The following NPSR1 variants were observed in gnomAD, a reference collection of about 807,000 sequenced individuals.
The protein encoded by NPSR1 is neuropeptide S receptor.
A neutral mutation model predicts 46.9 loss-of-function variants in NPSR1; 48 were observed. The observed-to-expected ratio is 1.02, with a 90% confidence interval of 0.81 to 1.30. The LOEUF (loss-of-function observed/expected upper bound fraction) is 1.30, where lower values mean the gene tolerates loss of function less well. Ranked by LOEUF, NPSR1 falls within the 50% of genes most tolerant of loss-of-function variation. NPSR1 has a pLI of 0.00. For synonymous variants in NPSR1, 176 were observed against 168.1 expected (o/e 1.05, Z -0.36); for missense variants, 450 against 449.5 (o/e 1.00, Z -0.01).
At chr7:34,696,095 A>AAC (rs1562658208) in intron 2 of NPSR1, among the ~76,000 whole-genome samples, 1 of 151,806 alleles carries the variant, frequency 6.6e-6, no homozygotes, top group African/African-American at 2.4e-5. Flanking sequence ...AAAAAAAAAA[A>AAC]AAACTGCGGT....
intron 2 of NPSR1, among the ~76,000 whole-genome samples, chr7:34,700,627 C>G (rs962999674): frequency 6.6e-6 from 1 of 152,204 alleles, no homozygotes. Flanking sequence ...CTAAATCACT[C>G]TTTGAAACAT....
chr7:34,684,743 G>T, intron 2 of NPSR1, 59 bp downstream of exon 2: 8 of 1,354,230 alleles, frequency 5.9e-6, no homozygotes, highest in South Asian at 1.8e-5. Context: ...ATGGCTTCCT[G>T]CTTTTAATGA....
chr7:34,860,996 G>A (rs912884390), intron 8 of NPSR1, among the ~76,000 whole-genome samples: 11 of 152,014 alleles, frequency 7.2e-5, no homozygotes, highest in African/African-American at 2.7e-4. Context: ...GATGAGGCAG[G>A]CAAGCTAAGG....
At chr7:34,753,971 G>T (rs1348534421) in intron 2 of NPSR1, among the ~76,000 whole-genome samples, 1 of 152,158 alleles carries the variant, frequency 6.6e-6, no homozygotes, top group Non-Finnish European at 1.5e-5. Flanking sequence ...AAATAGACAT[G>T]AGAGACTTAA....
chr7:34,876,105 G>C (rs1791568009), intron 8 of NPSR1, among the ~76,000 whole-genome samples: 1 of 152,218 alleles, frequency 6.6e-6, no homozygotes. Context: ...AGGTGGGACA[G>C]GAGGTGACAG....
intron 3 of NPSR1, among the ~76,000 whole-genome samples, chr7:34,805,855 A>T (rs1321673427): frequency 2.0e-5 from 3 of 152,042 alleles, no homozygotes; most frequent in African/African-American, 7.2e-5. Flanking sequence ...AAAACAACTC[A>T]TTTCAAAAAC....
At chr7:34,718,338 C>T (rs1464153810) in intron 2 of NPSR1, among the ~76,000 whole-genome samples, 2 of 152,082 alleles carry the variant, frequency 1.3e-5, no homozygotes, top group Non-Finnish European at 2.9e-5. Context: ...ATGATGCCAC[C>T]TCTAGAAAAC....
At chr7:34,714,345 C>T (rs899226988) in intron 2 of NPSR1, among the ~76,000 whole-genome samples, 3 of 152,168 alleles carry the variant, frequency 2.0e-5, no homozygotes, top group East Asian at 1.9e-4. Context: ...CACAAGGGTG[C>T]GAATAATATG....
In NPSR1 at chr7:34,848,550, C is replaced by CA. The variant is rs1427130850; in HGVS notation, c.913dup (p.Thr305AsnfsTer19). 1 of 1,614,184 alleles carries CA rather than the reference C, an allele frequency of 6.2e-7. No homozygotes were observed. On this transcript the variant is annotated frameshift_variant, in exon 8 of 9. Transcript: ENST00000360581. LOFTEE classifies it high-confidence loss of function. ...TGGACAATTTCAACCTCCTTCCAGA[C>CA]ACCCAGGAGCGTTTCTATGCCTCTG...
At chr7:34,833,416 TA>T (rs1282280498) in intron 5 of NPSR1, among the ~76,000 whole-genome samples, 2 of 152,196 alleles carry the variant, frequency 1.3e-5, no homozygotes, top group African/African-American at 4.8e-5. Context: ...TGTGATATAG[TA>T]TAAAAAATAG....
At chr7:34,826,643 A>G (rs1789857827) in intron 4 of NPSR1, among the ~76,000 whole-genome samples, 1 of 152,228 alleles carries the variant, frequency 6.6e-6, no homozygotes, top group Admixed American at 6.5e-5. Flanking sequence ...TTGCTTATGT[A>G]TTAATTGTCT....
At chr7:34,865,535 C>T (rs1234127355) in intron 8 of NPSR1, among the ~76,000 whole-genome samples, 5 of 151,718 alleles carry the variant, frequency 3.3e-5, no homozygotes, top group Non-Finnish European at 4.4e-5. Context: ...ATAATCACAG[C>T]GCCACATGGA....
At chr7:34,712,788 C>T (rs1783366861) in intron 2 of NPSR1, among the ~76,000 whole-genome samples, 1 of 152,314 alleles carries the variant, frequency 6.6e-6, no homozygotes, top group Non-Finnish European at 1.5e-5. Context: ...TCTCACTGGG[C>T]TTCTATAATC....
chr7:34,765,454 A>T (rs1265494136), intron 2 of NPSR1, among the ~76,000 whole-genome samples: 1 of 152,242 alleles, frequency 6.6e-6, no homozygotes, highest in Admixed American at 6.5e-5. Flanking sequence ...AAAAGTGTTC[A>T]ACAGTTTATA....
chr7:34,838,523 C>CG (rs1562766690), intron 6 of NPSR1, among the ~76,000 whole-genome samples: 4 of 152,090 alleles, frequency 2.6e-5, no homozygotes, highest in Admixed American at 1.3e-4. Context: ...GCAGGTAAAT[C>CG]GGATCTCCAG....
chr7:34,836,645 G>GAAAGACAGAAAGA (rs1790381893), intron 6 of NPSR1, among the ~76,000 whole-genome samples: 1 of 147,034 alleles, frequency 6.8e-6, no homozygotes, highest in Non-Finnish European at 1.5e-5. Flanking sequence ...AAGAAAGAAA[G>GAAAGACAGAAAGA]AGAAAGAAAG....
chr7:34,703,857 A>G (rs1793970926), intron 2 of NPSR1: 1 of 152,170 alleles, frequency 6.6e-6, no homozygotes, highest in Admixed American at 6.6e-5. Flanking sequence ...TTCAAATGCA[A>G]TAAAAATGCG....
intron 4 of NPSR1, among the ~76,000 whole-genome samples, chr7:34,821,127 CTTTTTTTTT>C (rs35086136): frequency 1.1e-5 from 1 of 94,892 alleles, no homozygotes; most frequent in Non-Finnish European, 2.2e-5. Flanking sequence ...TTGTGATACA[CTTTTTTTTT>C]TTTTTTTTTT....
At chr7:34,874,375 C>T (rs2128770899) in intron 8 of NPSR1, among the ~76,000 whole-genome samples, 1 of 152,216 alleles carries the variant, frequency 6.6e-6, no homozygotes, top group Non-Finnish European at 1.5e-5. Context: ...CCCTAAGATT[C>T]ACCCTACCAT....
Sources: allele counts gnomAD v4.1 joint callset (sites outside exome capture counted in the v4.1 genomes callset), GRCh38; gene constraint gnomAD v4.1.1; transcripts MANE v1.5; gene names NCBI Gene and HGNC (gene_info 2026-07-23, HGNC 2026-07-21).